The following STRC variants were observed in gnomAD, a reference collection of about 807,000 sequenced individuals.
STRC encodes stereocilin.
Under a neutral mutation model 103.5 loss-of-function variants are expected in STRC, and 43 were observed. That is an observed-to-expected ratio of 0.42 (90% confidence interval 0.33 to 0.54). The LOEUF is 0.54. STRC is among the 20% of genes least tolerant of loss of function. STRC has a pLI of 0.14. For synonymous variants in STRC, 186 were observed against 442.3 expected, an observed-to-expected ratio of 0.42 and a Z score of 7.27; for missense variants, 499 against 1,088.5, an observed-to-expected ratio of 0.46 and a Z score of 7.62.
rs530174282 is a variant in STRC at position 43,601,526 on chromosome 15, C to T, written c.4571G>A (p.Arg1524His). The change falls in exon 24 of 29, where the codon CGT (arginine) becomes CAT (histidine). Residue 1524 changes from arginine (R) to histidine (H), a missense_variant. Physicochemically the swap from Arg to His is conservative, Grantham distance 29. Transcript: ENST00000450892. Reference protein sequence around the residue: ...KQLWGPPRGFRPEQILQLGRL... With the variant: ...KQLWGPPRGFHPEQILQLGRL... ...ACCAAGCTGCAGGATCTGCTCAGGA[C>T]GAAATCCCCGGGGGGGACCCCACAA... 3.7e-5 allele frequency: 59 copies of T among 1,613,798 alleles called. 1 individual carries two copies. Among genetic ancestry groups the T allele is most frequent in the African/African-American group, 2.4e-4 (18 of 74,976 alleles).
chr15:43,601,385 A>G lies in STRC; in HGVS notation c.4701+11T>C. On this transcript the variant is annotated intron_variant, in intron 24 of 28. Transcript: ENST00000450892. ...TGTTTGGGAAGCCGTAGGGAGGAGG[A>G]AAAGTGTTACCTGAGTGGTGCTCCA... The G allele has an allele frequency of 6.8e-6, 11 of 1,612,752 alleles. 1 individual carries two copies. The highest frequency in any genetic ancestry group is 9.3e-6 in the Non-Finnish European group (11 of 1,179,726).
intron 23 of STRC, among the ~76,000 whole-genome samples, chr15:43,602,034 G>T (rs748569165): frequency 3.0e-4 from 42 of 140,174 alleles, no homozygotes; most frequent in African/African-American, 1.1e-3. Context: ...AGGATCGTTT[G>T]AACCCAGGAT....
rs372409653 is a variant in STRC at position 43,603,222 on chromosome 15, G to T, written c.4545+20C>A. 2.5e-6 allele frequency: 4 copies of T among 1,612,456 alleles called. No homozygotes were observed. The African/African-American group carries it at 5.3e-5, about 22-fold the overall frequency. On this transcript the variant is annotated intron_variant, in intron 23 of 28. Coordinates refer to ENST00000450892, the MANE Select transcript of STRC (RefSeq NM_153700.2). ...AATAGCTTCCTCATGGCCAACCCCA[G>T]TTGGCTCTCCATCCCTAACCTGTTT...
chr15:43,604,341 C>T lies in STRC; in HGVS notation c.4218+20G>A. The T allele has an allele frequency of 3.2e-6, 5 of 1,569,200 alleles. No homozygotes were observed. The highest frequency in any genetic ancestry group is 3.7e-5 in the Admixed American group (2 of 53,706). On this transcript the variant is annotated intron_variant, in intron 21 of 28. Transcript: ENST00000450892. Reference sequence around the variant, plus strand: ...GTCCCCTCTATGCATTTACTCCCTTCCCTTCTTCCTTCATCTCACCCTGGG... The same window carrying T: ...GTCCCCTCTATGCATTTACTCCCTTTCCTTCTTCCTTCATCTCACCCTGGG...
intron 23 of STRC, chr15:43,602,640 CTTT>C (rs869119412): frequency 4.0e-5 from 5 of 126,410 alleles, no homozygotes; most frequent in Admixed American, 1.6e-4. Flanking sequence ...TGAAGCATGC[CTTT>C]TTTTTTTTTT....
rs1226291620 is a variant in STRC, at chr15:43,610,975, C to T, written c.3316G>A (p.Gly1106Ser). ...CCTGTTGTACCCATATTTTTAACAC[C>T]ATCTTTAACCTGCATGAGAATTGGT... Reference protein sequence around the residue: ...ALLQTFRVKDGVKNMGTTGAG... With the variant: ...ALLQTFRVKDSVKNMGTTGAG... The change falls in exon 14 of 29, where the codon GGT becomes AGT. Residue 1106 changes from glycine (G) to serine (S), a missense_variant. Physicochemically the swap from Gly to Ser is moderately conservative, Grantham distance 56. Coordinates refer to ENST00000450892, the MANE Select transcript of STRC (RefSeq NM_153700.2). 6.2e-7 allele frequency: 1 copy of T among 1,611,556 alleles called. No individual in the cohort carries two copies. The highest frequency in any genetic ancestry group is 1.3e-5 in the African/African-American group (1 of 74,300).
intron 26 of STRC, 89 bp from the exon 27 acceptor site, chr15:43,600,382 G>A: frequency 9.6e-7 from 1 of 1,037,082 alleles, no homozygotes; most frequent in Non-Finnish European, 1.5e-6. Flanking sequence ...CTCCCAAAGT[G>A]CCCTATCATA....
In STRC at chr15:43,610,090, C is replaced by T. The variant is rs939463825; in HGVS notation, c.3498+222G>A. ...GTAACCACCTGTCGTCCTAGCTATT[C>T]AGGAGGCTGAGGCAGAAAGATTGCC... On this transcript the variant is annotated intron_variant, in intron 15 of 28. Coordinates refer to ENST00000450892, the MANE Select transcript of STRC (RefSeq NM_153700.2). 6 of 761,798 alleles carry T rather than the reference C, an allele frequency of 7.9e-6. No homozygotes were observed. In the African/African-American group the frequency reaches 1.1e-4, roughly 14 times the overall value. The allele number at this position is 761,798 out of a possible 1,614,324, so 47.2% of individuals were successfully genotyped here.
At position 43,604,678 on chromosome 15, in the gene STRC, A is replaced by G; in HGVS notation, c.4099T>C (p.Trp1367Arg). Reference sequence around the variant, plus strand: ...AGAACAGACTCCTGCAATAGCAGCCATCCCAGCTCTGTGGCAAATGTCTCT... The same window carrying G: ...AGAACAGACTCCTGCAATAGCAGCCGTCCCAGCTCTGTGGCAAATGTCTCT... ...LGETFATELG[W>R]LLLQESVLGK... The change falls in exon 20 of 29, where the codon TGG (tryptophan) becomes CGG (arginine). Residue 1367 changes from tryptophan (W) to arginine (R), a missense_variant. By Grantham distance (101) the Trp-to-Arg change is moderately radical. Coordinates refer to ENST00000450892, the MANE Select transcript of STRC (RefSeq NM_153700.2). 6.2e-7 allele frequency: 1 copy of G among 1,613,646 alleles called. No homozygotes were observed. Among genetic ancestry groups the G allele is most frequent in the Non-Finnish European group, 8.5e-7 (1 of 1,179,706 alleles).
chr15:43,603,127 C>T, intron 23 of STRC, 115 bp downstream of exon 23: 2 of 1,142,290 alleles, frequency 1.8e-6, no homozygotes, highest in South Asian at 2.6e-5. Flanking sequence ...AATCTTCTAA[C>T]TCTTCTATCT....
intron 16 of STRC, 45 bp downstream of exon 16, chr15:43,609,231 A>C: frequency 1.3e-6 from 2 of 1,596,240 alleles, no homozygotes; most frequent in Non-Finnish European, 1.7e-6. Context: ...GCACTCAAAA[A>C]AATGTTGGTC....
rs2085667623 is a variant in STRC at position 43,601,432 on chromosome 15, G to A, written c.4665C>T (p.Ser1555=). 2 of 1,613,744 alleles carry A rather than the reference G, an allele frequency of 1.2e-6. No homozygotes were observed. The highest frequency in any genetic ancestry group is 1.7e-6 in the Non-Finnish European group (2 of 1,179,844). ...TCCAGCCATCTATCTGCCCCAGGGT[G>A]CTCAGCACTCCCCAGTCCACTAGGA... is the stretch of plus-strand genomic sequence containing the variant. ...ELILVDWGVL[S]TLGQIDGWST... Residue 1555 remains serine, a synonymous_variant, in exon 24 of 29, where the codon AGC becomes AGT. Coordinates refer to ENST00000450892, the MANE Select transcript of STRC (RefSeq NM_153700.2).
At chr15:43,607,038 TG>T (rs1201322721) in intron 18 of STRC, among the ~76,000 whole-genome samples, 1 of 149,032 alleles carries the variant, frequency 6.7e-6, no homozygotes, top group African/African-American at 2.5e-5. Context: ...AAAGTAGGAA[TG>T]AAGTCAACTG....
chr15:43,600,582 T>C lies in STRC; in HGVS notation c.4945A>G (p.Ile1649Val), dbSNP rs1175083674. 2.5e-6 allele frequency: 4 copies of C among 1,613,454 alleles called. No individual in the cohort carries two copies. Among genetic ancestry groups the C allele is most frequent in the African/African-American group, 1.3e-5 (1 of 74,774 alleles). ...LLVLPGGFGP[I>V]SNWGPEIFTE... Reference sequence around the variant, plus strand: ...AAGATCTCAGGCCCCCAGTTACTGATTGGGCCAAACCCACCAGGCAGTACA... The same window carrying C: ...AAGATCTCAGGCCCCCAGTTACTGACTGGGCCAAACCCACCAGGCAGTACA... The change falls in exon 26 of 29, where the codon ATC (isoleucine) becomes GTC (valine). Residue 1649 changes from isoleucine (I) to valine (V), a missense_variant. Coordinates refer to ENST00000450892, the MANE Select transcript of STRC (RefSeq NM_153700.2).
At chr15:43,601,603 A>G (rs2085669760) in intron 23 of STRC, 52 bp from the exon 24 acceptor site, 1 of 1,593,246 alleles carries the variant, frequency 6.3e-7, no homozygotes, top group Non-Finnish European at 8.6e-7. Flanking sequence ...ATTGGGAGTC[A>G]TACTGCTGGG....
At chr15:43,605,611 TAA>T (rs59946403) in intron 18 of STRC, among the ~76,000 whole-genome samples, 7 of 128,224 alleles carry the variant, frequency 5.5e-5, no homozygotes, top group African/African-American at 9.1e-5. Flanking sequence ...CTAGTCTTCC[TAA>T]AAAAAAAAAA....
In STRC at chr15:43,604,570, G is replaced by C. The variant is rs1007976685; in HGVS notation, c.4127+80C>G. On this transcript the variant is annotated intron_variant, in intron 20 of 28. Transcript: ENST00000450892. ...GGCTCCAGGGGACCTTAAGAATATG[G>C]AACAGGCTGCCACTGATGATGGTGG... is the stretch of plus-strand genomic sequence containing the variant. 135 of 1,612,042 alleles carry C rather than the reference G, an allele frequency of 8.4e-5. 1 individual carries two copies. Among genetic ancestry groups the C allele is most frequent in the Non-Finnish European group, 1.1e-4 (129 of 1,178,798 alleles).
At position 43,604,651 on chromosome 15, in the gene STRC, C is replaced by T; in HGVS notation, c.4126G>A (p.Gly1376Arg). 2.5e-6 allele frequency: 4 copies of T among 1,613,544 alleles called. No homozygotes were observed. The highest frequency in any genetic ancestry group is 3.4e-6 in the Non-Finnish European group (4 of 1,179,740). Residue 1376 changes from glycine (G) to arginine (R), a missense_variant and splice_region_variant, in exon 20 of 29, where the codon GGG (glycine) becomes AGG (arginine). Transcript: ENST00000450892. ...TCTGAAGTTCTCGAAGGTCCATACC[C>T]AAGAACAGACTCCTGCAATAGCAGC... ...GWLLLQESVL[G>R]KPELWSQDEV...
chr15:43,604,797 G>C lies in STRC; in HGVS notation c.3980C>G (p.Pro1327Arg), dbSNP rs898365337. Residue 1327 changes from proline (P) to arginine (R), a missense_variant, in exon 20 of 29, where the codon CCT becomes CGT. Coordinates refer to ENST00000450892, the MANE Select transcript of STRC (RefSeq NM_153700.2). ...CTCTGTCCCCAGGAATCCAACCAAA[G>C]GGCCTAAGGTCTCCAGCACTTCCCC... is the stretch of plus-strand genomic sequence containing the variant. ...VSGEVLETLGPLVGFLGTEST... is the reference protein window; with the variant it reads ...VSGEVLETLGRLVGFLGTEST... 2 of 1,613,226 alleles carry C rather than the reference G, an allele frequency of 1.2e-6. No individual in the cohort carries two copies. The highest frequency in any genetic ancestry group is 3.3e-5 in the Admixed American group (2 of 59,938).
Sources: allele counts gnomAD v4.1 joint callset (sites outside exome capture counted in the v4.1 genomes callset), GRCh38; gene constraint gnomAD v4.1.1; transcripts MANE v1.5; gene names NCBI Gene and HGNC (gene_info 2026-07-23, HGNC 2026-07-21).